PTPRD: variants seen among roughly 807,000 people sequenced by gnomAD.
PTPRD encodes the protein protein tyrosine phosphatase receptor type D.
Under a neutral mutation model 214.5 loss-of-function variants are expected in PTPRD, and 34 were observed. The observed-to-expected ratio is 0.16, with a 90% CI of 0.12 to 0.21. The LOEUF (loss-of-function observed/expected upper bound fraction) is 0.21, where lower values mean the gene tolerates loss of function less well. Among genes scored for constraint, PTPRD ranks in the 10% least tolerant of loss-of-function variants. The pLI is 1.00. For synonymous variants in PTPRD, 1,128 were observed against 845.7 expected, an observed-to-expected ratio of 1.33 and a Z score of -5.79; for missense variants, 2,545 against 2,398.7, an observed-to-expected ratio of 1.06 and a Z score of -1.27.
At chr9:10,032,206 G>A (rs1226847652) in intron 4 of PTPRD, among the ~76,000 whole-genome samples, 1 of 152,040 alleles carries the variant, frequency 6.6e-6, no homozygotes, top group Non-Finnish European at 1.5e-5. Flanking sequence ...AAATAACTTG[G>A]GTTAAATGGT....
chr9:9,542,188 A>C (rs987948849), intron 8 of PTPRD, among the ~76,000 whole-genome samples: 1 of 151,804 alleles, frequency 6.6e-6, no homozygotes, highest in Admixed American at 6.6e-5. Context: ...AGATTATCGC[A>C]ACAAACCCTG....
intron 2 of PTPRD, among the ~76,000 whole-genome samples, chr9:10,430,800 G>A (rs929331705): frequency 6.6e-6 from 1 of 151,816 alleles, no homozygotes; most frequent in Non-Finnish European, 1.5e-5. Flanking sequence ...ATGGTAGGAG[G>A]CAATAGACCT....
intron 29 of PTPRD, 98 bp from the exon 30 acceptor site, chr9:8,484,476 T>A (rs746710552): frequency 8.3e-7 from 1 of 1,202,604 alleles, no homozygotes; most frequent in Non-Finnish European, 1.1e-6. Context: ...AATGTATATA[T>A]AGTCAATTCT....
At chr9:10,005,897 A>C (rs2096463605) in intron 4 of PTPRD, among the ~76,000 whole-genome samples, 1 of 152,082 alleles carries the variant, frequency 6.6e-6, no homozygotes, top group Non-Finnish European at 1.5e-5. Context: ...GTAAATGCTT[A>C]ATTAAATAAT....
intron 39 of PTPRD, among the ~76,000 whole-genome samples, chr9:8,343,450 T>A (rs951860728): frequency 6.6e-6 from 1 of 152,032 alleles, no homozygotes; most frequent in African/African-American, 2.4e-5. Flanking sequence ...CACAGACCAA[T>A]TGGCAACCTG....
intron 2 of PTPRD, among the ~76,000 whole-genome samples, chr9:10,569,883 G>A (rs774939381): frequency 7.2e-5 from 11 of 152,046 alleles, no homozygotes; most frequent in Non-Finnish European, 8.8e-5. Flanking sequence ...AGTAAATACT[G>A]CAAAGTGACA....
At chr9:8,873,820 A>T (rs1429672851) in intron 11 of PTPRD, among the ~76,000 whole-genome samples, 1 of 152,166 alleles carries the variant, frequency 6.6e-6, no homozygotes, top group Admixed American at 6.5e-5. Context: ...AGAGGGAGGT[A>T]AGACACCAAA....
chr9:9,841,589 TAGAA>T (rs2058346967), intron 5 of PTPRD, among the ~76,000 whole-genome samples: 1 of 152,136 alleles, frequency 6.6e-6, no homozygotes, highest in Non-Finnish European at 1.5e-5. Context: ...GAACGGCCCT[TAGAA>T]AGCATTTGTT....
At chr9:9,909,846 C>A (rs997479040) in intron 5 of PTPRD, among the ~76,000 whole-genome samples, 2 of 151,410 alleles carry the variant, frequency 1.3e-5, no homozygotes, top group Non-Finnish European at 3.0e-5. Context: ...CCTATAAGTT[C>A]AATTATTTTT....
intron 10 of PTPRD, among the ~76,000 whole-genome samples, chr9:9,063,470 C>T (rs1024863918): frequency 6.6e-6 from 1 of 152,146 alleles, no homozygotes; most frequent in African/African-American, 2.4e-5. Context: ...CCTATCAAAG[C>T]TTGTTTCCAA....
rs183787372 is a variant in PTPRD, at chr9:8,427,987, T to C, written c.4086+8605A>G. Among the ~76,000 whole-genome samples the C allele has an allele frequency of 4.1e-3, 628 of 152,242 alleles. 2 individuals carry two copies. Among genetic ancestry groups the C allele is most frequent in the Non-Finnish European group, 6.7e-3 (455 of 68,012 alleles). Reference sequence around the variant, plus strand: ...TCAGGAAACCTGATAAGCATGTATGTGTTTGTTTTTAATGATTGTATGAAG... The same window carrying C: ...TCAGGAAACCTGATAAGCATGTATGCGTTTGTTTTTAATGATTGTATGAAG... On this transcript the variant is annotated intron_variant, in intron 35 of 45. Coordinates refer to ENST00000381196, the MANE Select transcript of PTPRD (RefSeq NM_002839.4).
chr9:8,983,371 T>C (rs2099323558), intron 11 of PTPRD, among the ~76,000 whole-genome samples: 1 of 152,084 alleles, frequency 6.6e-6, no homozygotes. Flanking sequence ...ATATACTCAA[T>C]TTATAATTTT....
At chr9:10,203,779 T>A (rs2099447485) in intron 3 of PTPRD, among the ~76,000 whole-genome samples, 1 of 152,200 alleles carries the variant, frequency 6.6e-6, no homozygotes, top group Non-Finnish European at 1.5e-5. Context: ...CATTCTGTAT[T>A]ACAAACTTCT....
chr9:10,543,477 T>C (rs12338279), intron 2 of PTPRD, among the ~76,000 whole-genome samples: 42,364 of 140,680 alleles, frequency 0.3, 6,501 homozygotes, highest in Middle Eastern at 0.34. Flanking sequence ...AATATATATA[T>C]ATACACACAC....
At chr9:10,234,841 T>G (rs2099623644) in intron 3 of PTPRD, among the ~76,000 whole-genome samples, 1 of 151,898 alleles carries the variant, frequency 6.6e-6, no homozygotes, top group Admixed American at 6.6e-5. Flanking sequence ...CTAAATATAC[T>G]TCGGGAGATT....
In PTPRD at chr9:9,846,305, C is replaced by T. The variant is rs566061715; in HGVS notation, c.-367-79454G>A. On this transcript the variant is annotated intron_variant, in intron 5 of 45. Coordinates refer to ENST00000381196, the MANE Select transcript of PTPRD (RefSeq NM_002839.4). ...AGCATTCCCAATCAAAATTACTTGT[C>T]ATCTCCAATGCTATGCTCAGTTTTC... Among the ~76,000 whole-genome samples the T allele has an allele frequency of 4.6e-5, 7 of 152,174 alleles. No individual in the cohort carries two copies. The South Asian group carries it at 1.5e-3, about 32-fold the overall frequency.
intron 2 of PTPRD, among the ~76,000 whole-genome samples, chr9:10,446,108 G>C (rs996924673): frequency 6.6e-6 from 1 of 151,924 alleles, no homozygotes; most frequent in Non-Finnish European, 1.5e-5. Context: ...TCTAGAAAAA[G>C]AAAACCACCT....
Position 9,065,318 on chromosome 9 carries a change from T to G in PTPRD, c.-142-46583A>C, listed in dbSNP as rs577847373. Among the ~76,000 whole-genome samples the G allele has an allele frequency of 2.6e-5, 4 of 152,136 alleles. No individual in the cohort carries two copies. The South Asian group carries it at 8.3e-4, about 32-fold the overall frequency. On this transcript the variant is annotated intron_variant, in intron 10 of 45. Transcript: ENST00000381196. The stretch of plus-strand genomic sequence containing the variant: ...GCTGAAAAGTGACAATGGTAGAAAT[T>G]GATAAGGTTCCATTGGGAGGGAGAT...
intron 12 of PTPRD, among the ~76,000 whole-genome samples, chr9:8,663,975 T>C (rs551261625): frequency 1.6e-4 from 25 of 152,248 alleles, no homozygotes; most frequent in African/African-American, 6.0e-4. Context: ...ATCTCTGATA[T>C]TTCACACTGC....
Sources: allele counts gnomAD v4.1 joint callset (sites outside exome capture counted in the v4.1 genomes callset), GRCh38; gene constraint gnomAD v4.1.1; transcripts MANE v1.5; gene names NCBI Gene and HGNC (gene_info 2026-07-23, HGNC 2026-07-21).